MAP4K4: variants seen among roughly 807,000 people sequenced by gnomAD.
MAP4K4 encodes HPK/GCK-like kinase HGK.
Under a neutral mutation model 189.6 loss-of-function variants are expected in MAP4K4, and 38 were observed. The ratio of observed to expected loss-of-function variants is 0.20; its 90% CI spans 0.15 to 0.26. MAP4K4 has a LOEUF of 0.26. MAP4K4 is among the 10% of genes least tolerant of loss of function. MAP4K4 has a pLI of 1.00. For synonymous variants in MAP4K4, 610 were observed against 624.3 expected, an observed-to-expected ratio of 0.98 and a Z score of 0.34; for missense variants, 1,054 against 1,726.9, an observed-to-expected ratio of 0.61 and a Z score of 6.91.
At chr2:101,792,755 C>T (rs553659241) in intron 3 of MAP4K4, among the ~76,000 whole-genome samples, 1 of 152,010 alleles carries the variant, frequency 6.6e-6, no homozygotes, top group Non-Finnish European at 1.5e-5. Flanking sequence ...CCTGCCTCAG[C>T]GTCTGTAGTA....
intron 2 of MAP4K4, among the ~76,000 whole-genome samples, chr2:101,737,496 T>C (rs949072585): frequency 7.5e-6 from 1 of 132,774 alleles, no homozygotes; most frequent in Non-Finnish European, 1.6e-5. Flanking sequence ...TTGCTGTTAG[T>C]CATTGTTGTC....
intron 2 of MAP4K4, among the ~76,000 whole-genome samples, chr2:101,761,550 CTTTTTTTTT>C (rs1006689878): frequency 7.9e-6 from 1 of 127,014 alleles, no homozygotes; most frequent in Non-Finnish European, 1.7e-5. Flanking sequence ...TGGGAGCATT[CTTTTTTTTT>C]TTTTTTTTCT....
At chr2:101,824,109 GCATGGC>G in intron 4 of MAP4K4, 56 bp downstream of exon 4, 1 of 954,882 alleles carries the variant, frequency 1.0e-6, no homozygotes, top group Non-Finnish European at 1.3e-6. Context: ...AATTGTAAGG[GCATGGC>G]GGGGGTGGGG....
chr2:101,812,745 A>T (rs1187572664), intron 3 of MAP4K4, among the ~76,000 whole-genome samples: 1 of 152,104 alleles, frequency 6.6e-6, no homozygotes, highest in Non-Finnish European at 1.5e-5. Context: ...ATGCTAGGGG[A>T]CGCTACTTAA....
chr2:101,820,756 C>T (rs180948109), intron 3 of MAP4K4, among the ~76,000 whole-genome samples: 3 of 152,312 alleles, frequency 2.0e-5, no homozygotes, highest in Non-Finnish European at 2.9e-5. Context: ...GGAGGCCTCT[C>T]AGAAACCCTC....
chr2:101,808,544 A>ACCCC (rs748352629), intron 3 of MAP4K4, among the ~76,000 whole-genome samples: 1 of 132,810 alleles, frequency 7.5e-6, no homozygotes, highest in African/African-American at 2.9e-5. Flanking sequence ...CACCACCCTC[A>ACCCC]CCCCCCCCCA....
intron 3 of MAP4K4, among the ~76,000 whole-genome samples, chr2:101,823,522 A>G (rs1245724413): frequency 6.6e-6 from 1 of 152,182 alleles, no homozygotes; most frequent in Non-Finnish European, 1.5e-5. Context: ...GATGATCTGT[A>G]TTTGCAAAGG....
chr2:101,728,505 T>C (rs34979095), intron 2 of MAP4K4, among the ~76,000 whole-genome samples: 42,829 of 152,082 alleles, frequency 0.28, 6,797 homozygotes, highest in South Asian at 0.49. Context: ...TCCTAGATTT[T>C]ATAGTAACAC....
chr2:101,786,533 A>C (rs1317900152), intron 2 of MAP4K4, among the ~76,000 whole-genome samples: 1 of 152,338 alleles, frequency 6.6e-6, no homozygotes, highest in Non-Finnish European at 1.5e-5. Flanking sequence ...AATGATGTTG[A>C]TTGGAAGAAA....
At chr2:101,836,426 AAAC>A (rs2096755634) in intron 9 of MAP4K4, among the ~76,000 whole-genome samples, 2 of 152,154 alleles carry the variant, frequency 1.3e-5, no homozygotes, top group South Asian at 4.1e-4. Context: ...CTCTACTATA[AAAC>A]AACACAAAAT....
intron 18 of MAP4K4, 78 bp downstream of exon 18, chr2:101,865,114 G>T (rs921386221): frequency 4.1e-5 from 37 of 898,028 alleles, no homozygotes; most frequent in Non-Finnish European, 5.8e-5. Flanking sequence ...TCATAAAAAT[G>T]CTCTTAAACA....
In MAP4K4 at chr2:101,869,807, C is replaced by G; in HGVS notation, c.2639+10C>G. 6.5e-7 allele frequency: 1 copy of G among 1,535,692 alleles called. No homozygotes were observed. Among genetic ancestry groups the G allele is most frequent in the Non-Finnish European group, 8.8e-7 (1 of 1,140,228 alleles). On this transcript the variant is annotated intron_variant, in intron 22 of 32. Coordinates refer to ENST00000324219, the Ensembl canonical transcript of MAP4K4. ...AGGACACCAGAGCAGCGTCAGTCCC[C>G]GGTCTCTTTTAGAGCGGATGAGAGT...
At chr2:101,708,882 A>G (rs2043883174) in intron 2 of MAP4K4, among the ~76,000 whole-genome samples, 1 of 152,158 alleles carries the variant, frequency 6.6e-6, no homozygotes, top group Non-Finnish European at 1.5e-5. Flanking sequence ...CCTGTGTTTA[A>G]TGTTTTTGAG....
At chr2:101,837,947 C>T (rs2096808561) in intron 9 of MAP4K4, among the ~76,000 whole-genome samples, 1 of 152,158 alleles carries the variant, frequency 6.6e-6, no homozygotes. Context: ...CATTTTATAT[C>T]CCTGTTCTAA....
At chr2:101,838,975 C>T (rs1455268055) in intron 9 of MAP4K4, among the ~76,000 whole-genome samples, 1 of 152,178 alleles carries the variant, frequency 6.6e-6, no homozygotes, top group Admixed American at 6.5e-5. Context: ...ACCATTTCAA[C>T]CTTTCAGTGG....
At chr2:101,716,533 C>T (rs576481123) in intron 2 of MAP4K4, among the ~76,000 whole-genome samples, 2 of 151,818 alleles carry the variant, frequency 1.3e-5, no homozygotes, top group East Asian at 3.9e-4. Context: ...AGATACAGTT[C>T]GTGTTTTCAT....
At chr2:101,877,373 T>C (rs2098234039) in intron 27 of MAP4K4, among the ~76,000 whole-genome samples, 1 of 152,172 alleles carries the variant, frequency 6.6e-6, no homozygotes, top group Non-Finnish European at 1.5e-5. Flanking sequence ...ATGAATGTGC[T>C]CTTTCTCACT....
At chr2:101,885,431 C>T in intron 29 of MAP4K4, 144 bp downstream of exon 29, 5 of 512,334 alleles carry the variant, frequency 9.8e-6, no homozygotes, top group Non-Finnish European at 1.7e-5. Flanking sequence ...TATCATAAAC[C>T]ATTTCTAATG....
intron 27 of MAP4K4, among the ~76,000 whole-genome samples, chr2:101,879,834 T>G (rs2098332118): frequency 6.7e-6 from 1 of 149,968 alleles, no homozygotes; most frequent in African/African-American, 2.4e-5. Flanking sequence ...GCTGCTGCTT[T>G]TTTTTTTTTT....
Sources: gnomAD v4.1 joint callset for allele counts (sites outside exome capture counted in the v4.1 genomes callset) on GRCh38, gnomAD v4.1.1 for gene constraint, MANE v1.5 for transcripts, NCBI Gene and HGNC (gene_info 2026-07-23, HGNC 2026-07-21) for gene names.